The following ALPL variants were observed in gnomAD, a reference collection of about 807,000 sequenced individuals.
ALPL encodes alkaline phosphatase, biomineralization associated.
In ALPL, 42 loss-of-function variants were observed where a neutral mutation model predicts 51.3. That is an observed-to-expected ratio of 0.82 (90% CI 0.64 to 1.06). The LOEUF is 1.06. Ranked by LOEUF, ALPL falls within the 50% of genes least tolerant of loss-of-function variation. The pLI is 0.00. For synonymous variants in ALPL, 279 were observed against 296.4 expected, an observed-to-expected ratio of 0.94 and a Z score of 0.60; for missense variants, 589 against 709.4, an observed-to-expected ratio of 0.83 and a Z score of 1.93.
At chr1:21,565,153 C>T (rs1424860549) in intron 6 of ALPL, among the ~76,000 whole-genome samples, 2 of 152,168 alleles carry the variant, frequency 1.3e-5, no homozygotes, top group Non-Finnish European at 2.9e-5. Context: ...CACCTGCCTT[C>T]AGCCCTCCAT....
chr1:21,556,254 T>G (rs536452666), intron 2 of ALPL, among the ~76,000 whole-genome samples: 1 of 152,228 alleles, frequency 6.6e-6, no homozygotes, highest in Non-Finnish European at 1.5e-5. Context: ...TGACTTGAAT[T>G]CACATTTCTT....
intron 1 of ALPL, among the ~76,000 whole-genome samples, chr1:21,528,009 T>G (rs1402195587): frequency 9.2e-6 from 1 of 108,304 alleles, no homozygotes; most frequent in African/African-American, 4.3e-5. Flanking sequence ...GTGTTTTTTT[T>G]TTTTTTGTTT....
chr1:21,576,286 G>GAT, intron 10 of ALPL, among the ~76,000 whole-genome samples: 1 of 150,118 alleles, frequency 6.7e-6, no homozygotes, highest in Non-Finnish European at 1.5e-5. Flanking sequence ...TGGATGGATG[G>GAT]GTGGATGGAT....
chr1:21,546,049 C>T (rs547617550), intron 1 of ALPL, among the ~76,000 whole-genome samples: 4 of 151,444 alleles, frequency 2.6e-5, no homozygotes, highest in South Asian at 4.2e-4. Context: ...TTCCTGACCT[C>T]GTGATCCACC....
At chr1:21,547,484 C>T (rs1644268094) in intron 1 of ALPL, among the ~76,000 whole-genome samples, 1 of 152,176 alleles carries the variant, frequency 6.6e-6, no homozygotes, top group Non-Finnish European at 1.5e-5. Flanking sequence ...TCCTGGGCCT[C>T]CTTTGTTTCT....
At chr1:21,550,550 A>AG (rs759927605) in intron 1 of ALPL, among the ~76,000 whole-genome samples, 24 of 152,252 alleles carry the variant, frequency 1.6e-4, no homozygotes, top group Non-Finnish European at 2.1e-4. Flanking sequence ...GCTCCCAAAG[A>AG]GTAGTATTTA....
At chr1:21,570,230 T>C (rs1439276697) in intron 7 of ALPL, 75 bp from the exon 8 acceptor site, 21 of 1,465,308 alleles carry the variant, frequency 1.4e-5, no homozygotes. Context: ...GGCCTCAGAC[T>C]CTGATAGCTG....
intron 1 of ALPL, among the ~76,000 whole-genome samples, chr1:21,532,613 A>G (rs1367750599): frequency 6.6e-6 from 1 of 152,222 alleles, no homozygotes; most frequent in African/African-American, 2.4e-5. Context: ...GCTGAAAGCA[A>G]ATATTCAATA....
chr1:21,542,408 T>G (rs1182487111), intron 1 of ALPL, among the ~76,000 whole-genome samples: 2 of 152,238 alleles, frequency 1.3e-5, no homozygotes, highest in African/African-American at 4.8e-5. Flanking sequence ...AGCTGAGAGA[T>G]GCAGGGTCTG....
At chr1:21,551,719 G>GATTT (rs751491590) in intron 1 of ALPL, among the ~76,000 whole-genome samples, 2 of 61,440 alleles carry the variant, frequency 3.3e-5, no homozygotes, top group Admixed American at 2.5e-4. Context: ...AGCTTGCGTG[G>GATTT]TTTTTTTTTT....
rs1029125466 is a variant in ALPL at position 21,577,800 on chromosome 1, G to T, written c.*152G>T. On this transcript the variant is annotated 3_prime_UTR_variant, in exon 12 of 12. Transcript: ENST00000374840. ...GAAACCAAAGTCTGCCGCCCACCTC[G>T]CTCCCCTCTGGAATCTTCCCCAAGG... 1.9e-6 allele frequency: 2 copies of T among 1,054,464 alleles called. No homozygotes were observed. Among genetic ancestry groups the T allele is most frequent in the Non-Finnish European group, 2.7e-6 (2 of 744,242 alleles). The allele number at this position is 1,054,464 out of a possible 1,614,324, so 65.3% of individuals were successfully genotyped here.
At chr1:21,550,438 C>T (rs1023438925) in intron 1 of ALPL, among the ~76,000 whole-genome samples, 4 of 152,152 alleles carry the variant, frequency 2.6e-5, no homozygotes, top group African/African-American at 7.2e-5. Flanking sequence ...CACTGCATAG[C>T]TGATTAGTGA....
intron 9 of ALPL, chr1:21,574,224 G>A (rs1644694296): frequency 1.0e-6 from 1 of 985,194 alleles, no homozygotes; most frequent in Admixed American, 6.1e-5. Context: ...CTGAATTCTT[G>A]GCCTGGCGCT....
At chr1:21,548,378 C>G (rs1386388285) in intron 1 of ALPL, among the ~76,000 whole-genome samples, 1 of 152,246 alleles carries the variant, frequency 6.6e-6, no homozygotes, top group South Asian at 2.1e-4. Flanking sequence ...GCACCTGCCT[C>G]CAGGCCAAGC....
chr1:21,575,383 C>T (rs1644712838), intron 9 of ALPL, among the ~76,000 whole-genome samples: 1 of 152,198 alleles, frequency 6.6e-6, no homozygotes, highest in African/African-American at 2.4e-5. Context: ...AGCGTGCCCC[C>T]TTCCCTACCT....
At position 21,576,612 on chromosome 1, in the gene ALPL, A is replaced by C. The variant is rs773907984; in HGVS notation, c.1280A>C (p.Glu427Ala). The C allele has an allele frequency of 3.1e-6, 5 of 1,613,904 alleles. No individual in the cohort carries two copies. In the South Asian group the frequency reaches 5.5e-5, roughly 18 times the overall value. ...NGPGYKVVGG[E>A]RENVSMVDYA... Reference sequence around the variant, plus strand: ...CCTGGCTACAAGGTGGTGGGCGGTGAACGAGAGAATGTCTCCATGGTGGAC... The same window carrying C: ...CCTGGCTACAAGGTGGTGGGCGGTGCACGAGAGAATGTCTCCATGGTGGAC... Residue 427 changes from glutamate (E) to alanine (A), a missense_variant, in exon 11 of 12, where the codon GAA becomes GCA. Transcript: ENST00000374840.
intron 1 of ALPL, among the ~76,000 whole-genome samples, chr1:21,547,206 G>C (rs941496472): frequency 5.9e-5 from 9 of 152,200 alleles, no homozygotes; most frequent in Non-Finnish European, 1.3e-4. Flanking sequence ...CCTCCCCCGG[G>C]GCTCAAATGG....
chr1:21,573,899 G>T (rs1202886663), intron 9 of ALPL, 100 bp downstream of exon 9: 1 of 1,575,940 alleles, frequency 6.3e-7, no homozygotes, highest in African/African-American at 1.3e-5. Flanking sequence ...TGGTTTGGGG[G>T]TGAAGGGAGA....
At chr1:21,568,073 C>G in intron 6 of ALPL, 31 bp from the exon 7 acceptor site, 1 of 1,613,826 alleles carries the variant, frequency 6.2e-7, no homozygotes, top group South Asian at 1.1e-5. Flanking sequence ...TCTTGGAACC[C>G]TGCAGAAGTG....
Sources: allele counts gnomAD v4.1 joint callset (sites outside exome capture counted in the v4.1 genomes callset), GRCh38; gene constraint gnomAD v4.1.1; transcripts MANE v1.5; gene names NCBI Gene and HGNC (gene_info 2026-07-23, HGNC 2026-07-21).